KIF21A: variants seen among roughly 807,000 people sequenced by gnomAD.
The protein encoded by KIF21A is kinesin family member 21A, also known as kinesin-like protein KIF21A.
KIF21A carries 114 observed loss-of-function variants against 202.9 expected under a neutral mutation model. That is an observed-to-expected ratio of 0.56 (90% confidence interval 0.48 to 0.66). KIF21A has a LOEUF of 0.66. Ranked by LOEUF, KIF21A falls within the 30% of genes least tolerant of loss-of-function variation. The pLI, the probability that KIF21A is intolerant of heterozygous loss-of-function variation, is 0.00. For missense variants in KIF21A, 1,677 were observed against 1,994.9 expected (o/e 0.84, Z 3.04); for synonymous variants, 667 against 670.8 (o/e 0.99, Z 0.09).
intron 1 of KIF21A, among the ~76,000 whole-genome samples, chr12:39,417,190 T>A (rs1953833182): frequency 6.6e-6 from 1 of 152,112 alleles, no homozygotes; most frequent in South Asian, 2.1e-4. Flanking sequence ...TTGTAAAATG[T>A]ATCAGAAGAC....
chr12:39,394,123 C>A (rs1019266652), intron 1 of KIF21A, among the ~76,000 whole-genome samples: 5 of 152,206 alleles, frequency 3.3e-5, no homozygotes, highest in African/African-American at 1.2e-4. Flanking sequence ...CTTTTTCATT[C>A]CTCCATTCAG....
At chr12:39,348,476 CAGA>C (rs912269413) in intron 11 of KIF21A, among the ~76,000 whole-genome samples, 1 of 152,030 alleles carries the variant, frequency 6.6e-6, no homozygotes, top group South Asian at 2.1e-4. Context: ...CAGACTGACG[CAGA>C]AGAAGGTGAA....
chr12:39,337,173 GTTC>G lies in KIF21A; in HGVS notation c.2338_2340del (p.Glu780del), dbSNP rs1362063244. On this transcript the variant is annotated inframe_deletion, in exon 17 of 38. Coordinates refer to ENST00000361418, the MANE Select transcript of KIF21A (RefSeq NM_001173464.2). ...GACTCAGTCAGTCTGGCTTTCTCTT[GTTC>G]TTCTTTCATTTGTTTCATTAGGCGA... 3.1e-6 allele frequency: 5 copies of G among 1,612,080 alleles called. No individual in the cohort carries two copies. The highest frequency in any genetic ancestry group is 4.2e-6 in the Non-Finnish European group (5 of 1,179,212).
chr12:39,332,123 A>G, intron 21 of KIF21A, 91 bp downstream of exon 21: 1 of 1,187,324 alleles, frequency 8.4e-7, no homozygotes, highest in South Asian at 1.2e-5. Flanking sequence ...AATAGAAAAT[A>G]CCTTCATGTA....
At chr12:39,433,489 T>C (rs1250357386) in intron 1 of KIF21A, among the ~76,000 whole-genome samples, 2 of 152,202 alleles carry the variant, frequency 1.3e-5, no homozygotes, top group Admixed American at 6.5e-5. Flanking sequence ...CTTGCCAAGG[T>C]TGATGAAAGG....
chr12:39,383,557 T>C (rs1950754413), intron 1 of KIF21A, among the ~76,000 whole-genome samples: 1 of 152,238 alleles, frequency 6.6e-6, no homozygotes, highest in African/African-American at 2.4e-5. Flanking sequence ...GGCTAGCCAC[T>C]GCAGGAGAAA....
chr12:39,396,878 A>G (rs1337138122), intron 1 of KIF21A, among the ~76,000 whole-genome samples: 1 of 152,256 alleles, frequency 6.6e-6, no homozygotes, highest in Non-Finnish European at 1.5e-5. Context: ...TGCAATAAAA[A>G]GGAATAAACT....
At chr12:39,341,145 G>A in intron 14 of KIF21A, 51 bp from the exon 15 acceptor site, 1 of 1,332,972 alleles carries the variant, frequency 7.5e-7, no homozygotes, top group Non-Finnish European at 1.1e-6. Context: ...CAAAATATCA[G>A]AATTCTAGCT....
At chr12:39,346,872 T>G (rs1947940626) in intron 11 of KIF21A, among the ~76,000 whole-genome samples, 1 of 151,836 alleles carries the variant, frequency 6.6e-6, no homozygotes, top group South Asian at 2.1e-4. Flanking sequence ...AAGACCACTT[T>G]CAATAATATT....
At chr12:39,403,909 G>C (rs951623368) in intron 1 of KIF21A, among the ~76,000 whole-genome samples, 1 of 152,154 alleles carries the variant, frequency 6.6e-6, no homozygotes, top group Non-Finnish European at 1.5e-5. Flanking sequence ...ATATGAATGA[G>C]AACTGAATTA....
At chr12:39,381,045 C>A (rs1423209497) in intron 1 of KIF21A, among the ~76,000 whole-genome samples, 1 of 152,010 alleles carries the variant, frequency 6.6e-6, no homozygotes, top group East Asian at 1.9e-4. Context: ...GTGGCTCATG[C>A]CTGTAATCCC....
intron 1 of KIF21A, among the ~76,000 whole-genome samples, chr12:39,407,760 G>C (rs1036665466): frequency 3.3e-5 from 5 of 152,032 alleles, no homozygotes; most frequent in African/African-American, 1.2e-4. Flanking sequence ...GCAACAAGGT[G>C]CTATCCTCAT....
At chr12:39,308,869 A>G (rs545561681) in intron 33 of KIF21A, among the ~76,000 whole-genome samples, 2 of 152,206 alleles carry the variant, frequency 1.3e-5, no homozygotes, top group South Asian at 4.1e-4. Flanking sequence ...AAATTACAAA[A>G]CAGCACTTAA....
chr12:39,318,014 G>A, intron 29 of KIF21A, 59 bp downstream of exon 29: 5 of 1,529,600 alleles, frequency 3.3e-6, no homozygotes, highest in Non-Finnish European at 4.5e-6. Context: ...TCTACAGACT[G>A]TATTGACAGG....
At chr12:39,435,602 C>G (rs537721954) in intron 1 of KIF21A, among the ~76,000 whole-genome samples, 1 of 152,136 alleles carries the variant, frequency 6.6e-6, no homozygotes, top group South Asian at 2.1e-4. Flanking sequence ...CTTTCTAAAC[C>G]ACTCAGATTT....
intron 6 of KIF21A, among the ~76,000 whole-genome samples, chr12:39,365,642 A>C (rs578140637): frequency 5.1e-4 from 78 of 152,374 alleles, no homozygotes; most frequent in African/African-American, 1.8e-3. Context: ...ACAATTTCCA[A>C]AGTCAATAAA....
chr12:39,416,244 C>A (rs1006993210), intron 1 of KIF21A, among the ~76,000 whole-genome samples: 1 of 152,088 alleles, frequency 6.6e-6, no homozygotes, highest in Non-Finnish European at 1.5e-5. Context: ...CTCTCAAAGT[C>A]TCTGGTTTGT....
chr12:39,390,492 T>TA (rs1242155867), intron 1 of KIF21A, among the ~76,000 whole-genome samples: 2 of 151,652 alleles, frequency 1.3e-5, no homozygotes, highest in East Asian at 1.9e-4. Flanking sequence ...TAAAGTTTAT[T>TA]AAAAAAAAGA....
intron 4 of KIF21A, 21 bp downstream of exon 4, chr12:39,367,862 T>C (rs1199298949): frequency 6.3e-7 from 1 of 1,594,788 alleles, no homozygotes. Flanking sequence ...TGCTCTGTTT[T>C]AACTATAATA....
Sources: gnomAD v4.1 joint callset for allele counts (sites outside exome capture counted in the v4.1 genomes callset) on GRCh38, gnomAD v4.1.1 for gene constraint, MANE v1.5 for transcripts, NCBI Gene and HGNC (gene_info 2026-07-23, HGNC 2026-07-21) for gene names.